LRFN2: variants seen among roughly 807,000 people sequenced by gnomAD.
LRFN2 encodes leucine-rich repeat and fibronectin type-III domain-containing protein 2.
In LRFN2, 18 loss-of-function variants were observed where a neutral mutation model predicts 37.3. That is an observed-to-expected ratio of 0.48 (90% CI 0.33 to 0.72). LRFN2 has a LOEUF of 0.72. Ranked by LOEUF, LRFN2 falls within the 30% of genes least tolerant of loss-of-function variation. The probability of loss-of-function intolerance (pLI) is 0.02; values close to 1 mark genes in which losing one functional copy is unlikely to be tolerated. For synonymous variants in LRFN2, 556 were observed against 466.6 expected (o/e 1.19, Z -2.47); for missense variants, 1,006 against 1,060.7 (o/e 0.95, Z 0.72).
intron 1 of LRFN2, among the ~76,000 whole-genome samples, chr6:40,567,540 C>A (rs2113792461): frequency 6.6e-6 from 1 of 152,334 alleles, no homozygotes; most frequent in Admixed American, 6.5e-5. Context: ...CTCTCTGTGT[C>A]CCCATCTTCC....
At chr6:40,532,041 T>C (rs185025400) in intron 1 of LRFN2, among the ~76,000 whole-genome samples, 490 of 152,354 alleles carry the variant, frequency 3.2e-3, no homozygotes, top group African/African-American at 0.011. Context: ...TCAGTTTGCA[T>C]TCTAACCCCA....
intron 1 of LRFN2, among the ~76,000 whole-genome samples, chr6:40,475,469 C>T (rs1049285481): frequency 6.6e-5 from 10 of 152,074 alleles, no homozygotes; most frequent in Admixed American, 6.6e-4. Flanking sequence ...GCCTCAGGGG[C>T]TGGTGGGGTG....
chr6:40,541,941 G>A (rs1236201183), intron 1 of LRFN2, among the ~76,000 whole-genome samples: 5 of 152,326 alleles, frequency 3.3e-5, no homozygotes, highest in African/African-American at 1.2e-4. Context: ...CATGCAGAGT[G>A]TCAGGCAGGC....
chr6:40,572,822 T>A (rs1767211221), intron 1 of LRFN2, among the ~76,000 whole-genome samples: 1 of 152,116 alleles, frequency 6.6e-6, no homozygotes, highest in Non-Finnish European at 1.5e-5. Flanking sequence ...GCTCCTATAG[T>A]CAGCAGATGG....
chr6:40,537,258 A>G (rs1348372530), intron 1 of LRFN2, among the ~76,000 whole-genome samples: 1 of 152,236 alleles, frequency 6.6e-6, no homozygotes. Flanking sequence ...CAGGAACCCC[A>G]ATACTGGGAA....
intron 1 of LRFN2, among the ~76,000 whole-genome samples, chr6:40,504,036 G>T (rs1340350602): frequency 6.6e-6 from 1 of 152,030 alleles, no homozygotes; most frequent in Non-Finnish European, 1.5e-5. Context: ...GAGGGCTTGT[G>T]GCATTAAGGG....
intron 1 of LRFN2, among the ~76,000 whole-genome samples, chr6:40,500,637 T>C (rs943999148): frequency 2.0e-5 from 3 of 152,212 alleles, no homozygotes; most frequent in African/African-American, 7.2e-5. Context: ...GGAAAGAAAC[T>C]AAATGTCCAA....
At chr6:40,440,053 C>T (rs1763794824) in intron 1 of LRFN2, among the ~76,000 whole-genome samples, 1 of 151,676 alleles carries the variant, frequency 6.6e-6, no homozygotes, top group Non-Finnish European at 1.5e-5. Flanking sequence ...ACCTTGGGGA[C>T]ATGAGCCACA....
At chr6:40,401,057 C>T (rs1762728900) in intron 2 of LRFN2, among the ~76,000 whole-genome samples, 1 of 147,164 alleles carries the variant, frequency 6.8e-6, no homozygotes, top group Non-Finnish European at 1.5e-5. Flanking sequence ...CCTATGTGAC[C>T]TCTCTCTGTA....
chr6:40,407,179 T>C (rs947350682), intron 2 of LRFN2, among the ~76,000 whole-genome samples: 1 of 152,240 alleles, frequency 6.6e-6, no homozygotes, highest in South Asian at 2.1e-4. Flanking sequence ...TGCCTCTCTC[T>C]CTCTCATTCT....
chr6:40,521,754 A>G (rs1766074877), intron 1 of LRFN2, among the ~76,000 whole-genome samples: 1 of 152,098 alleles, frequency 6.6e-6, no homozygotes, highest in African/African-American at 2.4e-5. Context: ...CCTCTTATCA[A>G]TCTCCTACAT....
chr6:40,551,318 A>C (rs1766774432), intron 1 of LRFN2, among the ~76,000 whole-genome samples: 1 of 152,216 alleles, frequency 6.6e-6, no homozygotes, highest in African/African-American at 2.4e-5. Context: ...TCTTCAAGAA[A>C]GCAGGGTATA....
At chr6:40,537,894 C>A (rs1266785518) in intron 1 of LRFN2, among the ~76,000 whole-genome samples, 1 of 152,010 alleles carries the variant, frequency 6.6e-6, no homozygotes, top group Non-Finnish European at 1.5e-5. Context: ...ATCAGGAGAT[C>A]CCAGGCACAC....
rs67639435 is a variant in LRFN2, at chr6:40,548,440, C to CAAAAAAAAAAAAAAAAAAAAAAAA, written c.-19+38500_-19+38501insTTTTTTTTTTTTTTTTTTTTTTTT. ...TGGGTGACACAACGAGACTCCATCT[C>CAAAAAAAAAAAAAAAAAAAAAAAA]AAAAAAAAAATGAAAAAAGAAAAAT... On this transcript the variant is annotated intron_variant, in intron 1 of 2. Transcript: ENST00000338305. Among the ~76,000 whole-genome samples the CAAAAAAAAAAAAAAAAAAAAAAAA allele has an allele frequency of 4.1e-4, 59 of 142,684 alleles. 3 individuals are homozygous for CAAAAAAAAAAAAAAAAAAAAAAAA. The highest frequency in any genetic ancestry group is 9.2e-4 in the Admixed American group (13 of 14,112). The allele number at this position is 142,684 out of a possible 152,430, so 93.6% of individuals were successfully genotyped here.
At chr6:40,461,874 T>C (rs1430248678) in intron 1 of LRFN2, among the ~76,000 whole-genome samples, 1 of 152,172 alleles carries the variant, frequency 6.6e-6, no homozygotes, top group Non-Finnish European at 1.5e-5. Flanking sequence ...CTAGAGACAA[T>C]TTGATACAAT....
chr6:40,507,430 C>G (rs1049095257), intron 1 of LRFN2, among the ~76,000 whole-genome samples: 3 of 152,162 alleles, frequency 2.0e-5, no homozygotes, highest in African/African-American at 7.2e-5. Flanking sequence ...CTTCACAATG[C>G]CTTGCTGAGA....
rs111773235 is a variant in LRFN2 at position 40,541,365 on chromosome 6, G to A, written c.-19+45576C>T. ...CTCACATTCCCCAAGAGGACCTTCT[G>A]CACAAGGCACAGTGCAAGGAAGAAC... On this transcript the variant is annotated intron_variant, in intron 1 of 2. Transcript: ENST00000338305. Among the ~76,000 whole-genome samples, 669 of 152,292 alleles carry A rather than the reference G, an allele frequency of 4.4e-3. 9 individuals carry two copies. Among genetic ancestry groups the A allele is most frequent in the African/African-American group, 0.015 (612 of 41,572 alleles).
rs1294099802 is a variant in LRFN2 at position 40,392,396 on chromosome 6, G to A, written c.1917C>T (p.Pro639=). 2 of 1,579,202 alleles carry A rather than the reference G, an allele frequency of 1.3e-6. No homozygotes were observed. Among genetic ancestry groups the A allele is most frequent in the Non-Finnish European group, 1.7e-6 (2 of 1,162,760 alleles). The change falls in exon 3 of 3, where the codon CCC becomes CCT. Residue 639 remains proline, a synonymous_variant. Transcript: ENST00000338305. The surrounding 1 kb of genome is among the most constrained non-coding windows in gnomAD (Gnocchi z 4.7). ...GCGGGGCGGAGGGTGGGATCCTCCA[G>A]GGGGCCCGTCCCAGCCCCGCAGCCT... ...SGEAAGLGRA[P]WRIPPSAPRP...
At chr6:40,455,735 G>A (rs534173071) in intron 1 of LRFN2, among the ~76,000 whole-genome samples, 2 of 152,232 alleles carry the variant, frequency 1.3e-5, no homozygotes, top group South Asian at 4.1e-4. Flanking sequence ...GGGAGGAGGT[G>A]GGACTTGTCA....
Sources: gnomAD v4.1 joint callset for allele counts (sites outside exome capture counted in the v4.1 genomes callset) on GRCh38, gnomAD v4.1.1 for gene constraint, Gnocchi (gnomAD v3.1) non-coding constraint, MANE v1.5 for transcripts, NCBI Gene and HGNC (gene_info 2026-07-23, HGNC 2026-07-21) for gene names.